Variants in FAAH2 observed in about 807,000 individuals in gnomAD.
FAAH2 encodes fatty-acid amide hydrolase 2.
A neutral mutation model predicts 36.9 loss-of-function variants in FAAH2; 60 were observed. That is an observed-to-expected ratio of 1.63 (90% CI 1.32 to 2.02). The LOEUF is 2.02. FAAH2 is among the 30% of genes most tolerant of loss of function. The probability of loss-of-function intolerance (pLI) is 0.00; values close to 1 mark genes in which losing one functional copy is unlikely to be tolerated. For missense variants in FAAH2, 689 were observed against 397.5 expected (o/e 1.73, Z -6.23); for synonymous variants, 214 against 143.8 (o/e 1.49, Z -3.49).
chrX:57,265,006 G>A, the FAAH2 span, among the ~76,000 whole-genome samples: 3 of 111,801 alleles, frequency 2.7e-5, no homozygotes, highest in Admixed American at 2.8e-4. Context: ...TGGCCCACTC[G>A]GGAGTGACAC....
At chrX:57,394,725 T>C in intron 7 of FAAH2, 2 of 860,867 alleles carry the variant, frequency 2.3e-6, no homozygotes, top group South Asian at 4.0e-5. Flanking sequence ...AGTTGATGAC[T>C]ATTGCTAGGT....
chrX:57,154,173 A>G, the FAAH2 span, among the ~76,000 whole-genome samples: 1 of 108,212 alleles, frequency 9.2e-6, no homozygotes, highest in African/African-American at 3.4e-5. Context: ...TACATTTTGC[A>G]TTTCCCTAAG....
chrX:57,428,685 A>C (rs779443888), intron 7 of FAAH2, among the ~76,000 whole-genome samples: 1 of 112,220 alleles, frequency 8.9e-6, no homozygotes, highest in East Asian at 2.8e-4. Context: ...TTAGGTGGCC[A>C]TACACAGAAG....
At chrX:57,312,826 AGAGTATCTTTATT>A (rs1392049994) in intron 3 of FAAH2, among the ~76,000 whole-genome samples, 4 of 112,007 alleles carry the variant, frequency 3.6e-5, no homozygotes, top group Non-Finnish European at 7.5e-5. Context: ...TCCAAAAAGT[AGAGTATCTTTATT>A]GACCTCAAAA....
chrX:57,249,240 C>T, the FAAH2 span, among the ~76,000 whole-genome samples: 130 of 111,616 alleles, frequency 1.2e-3, no homozygotes, highest in African/African-American at 4.2e-3. Flanking sequence ...TTTCCACTAA[C>T]CCTTTACTAT....
chrX:57,185,946 T>G, the FAAH2 span, among the ~76,000 whole-genome samples: 356 of 111,961 alleles, frequency 3.2e-3, 2 homozygotes, highest in South Asian at 0.011. Context: ...TGTGCCACAT[T>G]TCCTTTATCT....
chrX:57,381,701 G>C (rs1256266258), intron 7 of FAAH2: 1 of 117,131 alleles, frequency 8.5e-6, no homozygotes, highest in Admixed American at 9.7e-5. Flanking sequence ...CCTACAAAGA[G>C]ACAGACTCCC....
chrX:57,386,655 A>G (rs2055031488), intron 7 of FAAH2, among the ~76,000 whole-genome samples: 1 of 112,151 alleles, frequency 8.9e-6, no homozygotes, highest in African/African-American at 3.2e-5. Flanking sequence ...TCTCTAGCCA[A>G]TTTAATATTC....
At chrX:57,196,334 G>A in the FAAH2 span, among the ~76,000 whole-genome samples, 2 of 110,429 alleles carry the variant, frequency 1.8e-5, no homozygotes, top group African/African-American at 6.6e-5. Flanking sequence ...TTGTGAAAGT[G>A]ATTGAGTTCT....
chrX:57,256,532 C>T, the FAAH2 span, among the ~76,000 whole-genome samples: 1 of 110,898 alleles, frequency 9.0e-6, no homozygotes, highest in African/African-American at 3.3e-5. Context: ...TATTACAAGG[C>T]TAAAAATCAA....
chrX:57,417,442 C>G (rs1242209513), intron 7 of FAAH2, among the ~76,000 whole-genome samples: 1 of 111,909 alleles, frequency 8.9e-6, no homozygotes. Flanking sequence ...GATGTTGATG[C>G]TATCCCTTTT....
chrX:57,348,849 C>A (rs2053901772), intron 5 of FAAH2, among the ~76,000 whole-genome samples: 1 of 107,700 alleles, frequency 9.3e-6, no homozygotes, highest in African/African-American at 3.4e-5. Flanking sequence ...GCAGAGATGT[C>A]AACATAAAGA....
chrX:57,454,102 C>T (rs915615141), intron 10 of FAAH2, among the ~76,000 whole-genome samples: 6 of 89,046 alleles, frequency 6.7e-5, no homozygotes, highest in African/African-American at 2.0e-4. Context: ...GTCATCTTGG[C>T]CAGAACACCG....
the FAAH2 span, among the ~76,000 whole-genome samples, chrX:57,238,021 A>G: frequency 8.9e-6 from 1 of 111,855 alleles, no homozygotes; most frequent in Non-Finnish European, 1.9e-5. Flanking sequence ...GGTTTTGGAG[A>G]AAAAGGAACA....
intron 9 of FAAH2, among the ~76,000 whole-genome samples, chrX:57,448,061 C>G (rs1239974481): frequency 9.0e-6 from 1 of 111,685 alleles, no homozygotes; most frequent in African/African-American, 3.3e-5. Context: ...GCAATCATGA[C>G]TCACTGCAGC....
intron 7 of FAAH2, among the ~76,000 whole-genome samples, chrX:57,406,648 G>C (rs1167592240): frequency 8.9e-6 from 1 of 112,680 alleles, no homozygotes; most frequent in African/African-American, 3.2e-5. Context: ...ATGTGACTGA[G>C]GTTTGCAGGA....
chrX:57,178,581 C>G, the FAAH2 span, among the ~76,000 whole-genome samples: 1 of 111,572 alleles, frequency 9.0e-6, no homozygotes, highest in Non-Finnish European at 1.9e-5. Flanking sequence ...GAGGCTGGGT[C>G]AAGCAAGTCC....
intron 7 of FAAH2, among the ~76,000 whole-genome samples, chrX:57,388,608 T>C (rs1248275071): frequency 9.0e-6 from 1 of 111,365 alleles, no homozygotes; most frequent in Non-Finnish European, 1.9e-5. Context: ...AATATTGATA[T>C]ATTATTAACT....
intron 2 of FAAH2, among the ~76,000 whole-genome samples, chrX:57,307,847 A>T (rs1263566010): frequency 2.7e-5 from 3 of 110,256 alleles, no homozygotes; most frequent in Non-Finnish European, 5.7e-5. Context: ...GGCCGTGAGC[A>T]TCCAGTATTT....
Sources: gnomAD v4.1 joint callset for allele counts (sites outside exome capture counted in the v4.1 genomes callset) on GRCh38, gnomAD v4.1.1 for gene constraint, MANE v1.5 for transcripts, NCBI Gene and HGNC (gene_info 2026-07-23, HGNC 2026-07-21) for gene names.